The following ADCY8 variants were observed in gnomAD, a reference collection of about 807,000 sequenced individuals.
ADCY8 encodes the protein adenylate cyclase 8.
In ADCY8, 51 loss-of-function variants were observed where a neutral mutation model predicts 119.7. The ratio of observed to expected loss-of-function variants is 0.43; its 90% CI spans 0.34 to 0.54. The LOEUF (loss-of-function observed/expected upper bound fraction) is 0.54, where lower values mean the gene tolerates loss of function less well. Among genes scored for constraint, ADCY8 ranks in the 20% least tolerant of loss-of-function variants. The probability of loss-of-function intolerance (pLI) is 0.03; values close to 1 mark genes in which losing one functional copy is unlikely to be tolerated. For missense variants in ADCY8, 1,383 were observed against 1,598.8 expected, an observed-to-expected ratio of 0.87 and a Z score of 2.30; for synonymous variants, 665 against 651.0, an observed-to-expected ratio of 1.02 and a Z score of -0.33.
intron 7 of ADCY8, among the ~76,000 whole-genome samples, chr8:130,899,530 C>T (rs1020021730): frequency 3.0e-4 from 45 of 152,040 alleles, no homozygotes; most frequent in Non-Finnish European, 5.3e-4. Context: ...CGCTGGAACC[C>T]GGGAGGCGGA....
chr8:130,836,485 G>C (rs371195660), intron 11 of ADCY8, 36 bp from the exon 12 acceptor site: 1 of 1,599,788 alleles, frequency 6.3e-7, no homozygotes, highest in African/African-American at 1.3e-5. Flanking sequence ...AGATTCAATG[G>C]GGGCAGCAGT....
intron 2 of ADCY8, among the ~76,000 whole-genome samples, chr8:130,975,417 A>G (rs1822042888): frequency 6.6e-6 from 1 of 152,170 alleles, no homozygotes; most frequent in Admixed American, 6.5e-5. Context: ...ATATGTCACC[A>G]TCCTGAAGAA....
At chr8:130,847,233 A>G (rs938623018) in intron 11 of ADCY8, among the ~76,000 whole-genome samples, 191 bp downstream of exon 11, 1 of 152,078 alleles carries the variant, frequency 6.6e-6, no homozygotes, top group Non-Finnish European at 1.5e-5. Flanking sequence ...GAGGACTGGG[A>G]AACAGAAAAT....
intron 8 of ADCY8, among the ~76,000 whole-genome samples, chr8:130,870,316 T>G (rs1448202020): frequency 6.6e-6 from 1 of 152,060 alleles, no homozygotes; most frequent in Non-Finnish European, 1.5e-5. Context: ...CTGGCTCTTT[T>G]CTTCTTTTAT....
At chr8:131,013,616 G>A (rs1255472791) in intron 1 of ADCY8, among the ~76,000 whole-genome samples, 1 of 152,324 alleles carries the variant, frequency 6.6e-6, no homozygotes, top group Non-Finnish European at 1.5e-5. Flanking sequence ...TGTCAAGGAG[G>A]TAGTGTCAGC....
At chr8:130,997,868 G>C (rs575029343) in intron 1 of ADCY8, among the ~76,000 whole-genome samples, 1 of 152,040 alleles carries the variant, frequency 6.6e-6, no homozygotes, top group African/African-American at 2.4e-5. Context: ...TGGATCCCTC[G>C]GGTCCCATCC....
intron 1 of ADCY8, among the ~76,000 whole-genome samples, chr8:131,004,932 A>C (rs188449406): frequency 1.3e-5 from 2 of 152,180 alleles, no homozygotes; most frequent in African/African-American, 4.8e-5. Flanking sequence ...TGGAAGTCAG[A>C]ATTTAACTCC....
At chr8:130,949,165 G>C (rs1195829156) in intron 3 of ADCY8, among the ~76,000 whole-genome samples, 1 of 152,064 alleles carries the variant, frequency 6.6e-6, no homozygotes, top group Non-Finnish European at 1.5e-5. Flanking sequence ...GGGGTTGGAG[G>C]GGTGGGGGCA....
At chr8:130,795,447 G>A (rs999566933) in intron 15 of ADCY8, among the ~76,000 whole-genome samples, 4 of 152,216 alleles carry the variant, frequency 2.6e-5, no homozygotes, top group Non-Finnish European at 4.4e-5. Context: ...GCACACTCGC[G>A]AAGCCGACCC....
intron 4 of ADCY8, among the ~76,000 whole-genome samples, chr8:130,939,107 T>A (rs1820881099): frequency 6.7e-6 from 1 of 149,952 alleles, no homozygotes; most frequent in Admixed American, 6.6e-5. Flanking sequence ...TTTTTTTTTG[T>A]CAAGAAAGTA....
chr8:130,892,066 G>A (rs1819206915), intron 7 of ADCY8: 1 of 152,152 alleles, frequency 6.6e-6, no homozygotes, highest in South Asian at 2.1e-4. Flanking sequence ...GAGAAGGTCT[G>A]TGGGATTCTG....
rs191030803 is a variant in ADCY8, at chr8:130,843,435, T to A, written c.2502+3989A>T. ...GTTCTGCAGACTGTAGCCACCTTGG[T>A]CTCCCAGGACTCTCAGCTTAGTATT... On this transcript the variant is annotated intron_variant, in intron 11 of 17. Coordinates refer to ENST00000286355, the MANE Select transcript of ADCY8 (RefSeq NM_001115.3). Among the ~76,000 whole-genome samples, 188 of 152,266 alleles carry A rather than the reference T, an allele frequency of 1.2e-3. 1 individual carries two copies. The highest frequency in any genetic ancestry group is 2.2e-3 in the Non-Finnish European group (152 of 68,020).
chr8:130,949,921 A>G (rs913685861), intron 3 of ADCY8, among the ~76,000 whole-genome samples: 14 of 152,180 alleles, frequency 9.2e-5, no homozygotes, highest in Non-Finnish European at 1.6e-4. Context: ...CTGTTTTGCA[A>G]ACTCAAGCAT....
At chr8:130,913,903 CT>C (rs1370130511) in intron 5 of ADCY8, among the ~76,000 whole-genome samples, 1 of 152,072 alleles carries the variant, frequency 6.6e-6, no homozygotes, top group Non-Finnish European at 1.5e-5. Flanking sequence ...GCAACATGAA[CT>C]TAGAGAAGTT....
intron 17 of ADCY8, among the ~76,000 whole-genome samples, chr8:130,782,326 A>ATAT (rs1815108705): frequency 6.6e-6 from 1 of 152,196 alleles, no homozygotes; most frequent in Non-Finnish European, 1.5e-5. Flanking sequence ...TTTGATTCTC[A>ATAT]TATTATTATT....
At chr8:131,013,917 C>A (rs1024120213) in intron 1 of ADCY8, among the ~76,000 whole-genome samples, 1 of 151,968 alleles carries the variant, frequency 6.6e-6, no homozygotes, top group East Asian at 1.9e-4. Context: ...TATACTTTAC[C>A]AAAAAAGTGT....
At chr8:130,918,581 G>C (rs1458885673) in intron 5 of ADCY8, among the ~76,000 whole-genome samples, 1 of 151,990 alleles carries the variant, frequency 6.6e-6, no homozygotes, top group Non-Finnish European at 1.5e-5. Flanking sequence ...AAAATTATTT[G>C]TTTTGTTTCT....
chr8:130,858,167 TC>T (rs1817809124), intron 9 of ADCY8, among the ~76,000 whole-genome samples: 2 of 131,322 alleles, frequency 1.5e-5, no homozygotes, highest in Admixed American at 1.5e-4. Flanking sequence ...TAGCCATATC[TC>T]CAAAATTGTT....
At chr8:130,965,652 C>A (rs1423041397) in intron 2 of ADCY8, among the ~76,000 whole-genome samples, 1 of 152,056 alleles carries the variant, frequency 6.6e-6, no homozygotes, top group Non-Finnish European at 1.5e-5. Flanking sequence ...CACATTCAAA[C>A]TTGATATTAT....
Sources: allele counts gnomAD v4.1 joint callset (sites outside exome capture counted in the v4.1 genomes callset), GRCh38; gene constraint gnomAD v4.1.1; transcripts MANE v1.5; gene names NCBI Gene and HGNC (gene_info 2026-07-23, HGNC 2026-07-21).